TRIM42: variants seen among roughly 807,000 people sequenced by gnomAD.
The protein encoded by TRIM42 is tripartite motif containing 42.
A neutral mutation model predicts 64.9 loss-of-function variants in TRIM42; 59 were observed. That is an observed-to-expected ratio of 0.91 (90% CI 0.74 to 1.13). The LOEUF (loss-of-function observed/expected upper bound fraction) is 1.13. Among genes scored for constraint, TRIM42 ranks in the 50% most tolerant of loss-of-function variants. The pLI is 0.00. For missense variants in TRIM42, 878 were observed against 929.5 expected, an observed-to-expected ratio of 0.94 and a Z score of 0.72; for synonymous variants, 354 against 346.3, an observed-to-expected ratio of 1.02 and a Z score of -0.25.
chr3:140,682,381 C>T, intron 1 of TRIM42, 81 bp from the exon 2 acceptor site: 1 of 1,411,934 alleles, frequency 7.1e-7, no homozygotes, highest in South Asian at 1.3e-5. Context: ...CCTCAGGAAC[C>T]AAGAGTTCTT....
chr3:140,689,453 T>A (rs1988650148), intron 3 of TRIM42, among the ~76,000 whole-genome samples: 1 of 152,154 alleles, frequency 6.6e-6, no homozygotes. Flanking sequence ...GATGTGCACC[T>A]GGGGATCTTG....
chr3:140,687,426 C>T (rs1988572646), intron 2 of TRIM42, among the ~76,000 whole-genome samples: 1 of 152,160 alleles, frequency 6.6e-6, no homozygotes, highest in Admixed American at 6.5e-5. Context: ...TGGTAAAAAC[C>T]AATATCAAGG....
chr3:140,691,184 A>T lies in TRIM42; in HGVS notation c.2077A>T (p.Ile693Phe). 1 of 1,613,836 alleles carries T rather than the reference A, an allele frequency of 6.2e-7. No homozygotes were observed. Among genetic ancestry groups the T allele is most frequent in the Non-Finnish European group, 8.5e-7 (1 of 1,179,696 alleles). The change falls in exon 4 of 5, where the codon ATC (isoleucine) becomes TTC (phenylalanine). Residue 693 changes from isoleucine to phenylalanine, a missense_variant. Ile to Phe is a conservative substitution (Grantham distance 21). Transcript: ENST00000286349. ...NDNGPGQWSD[I>F]CKVVTPDGHG... ...TAATGGTCCTGGGCAATGGAGTGATATCTGCAAGGTATTGTGTGCGTTATT... is the reference window on the plus strand; with the variant it reads ...TAATGGTCCTGGGCAATGGAGTGATTTCTGCAAGGTATTGTGTGCGTTATT...
chr3:140,700,726 T>C (rs779602270), intron 4 of TRIM42, among the ~76,000 whole-genome samples, 162 bp from the exon 5 acceptor site: 4 of 152,210 alleles, frequency 2.6e-5, no homozygotes, highest in Non-Finnish European at 5.9e-5. Flanking sequence ...TCCTGGTCCT[T>C]CTGAGCCTCA....
chr3:140,685,875 T>C (rs1474913655), intron 2 of TRIM42, among the ~76,000 whole-genome samples: 1 of 152,196 alleles, frequency 6.6e-6, no homozygotes, highest in African/African-American at 2.4e-5. Context: ...AATATCTTCA[T>C]TGTAAGAAGA....
At chr3:140,681,995 G>A (rs1267052447) in intron 1 of TRIM42, among the ~76,000 whole-genome samples, 3 of 151,874 alleles carry the variant, frequency 2.0e-5, no homozygotes, top group Admixed American at 6.6e-5. Context: ...AAGTGGTCTT[G>A]TTTCTGCTTT....
At chr3:140,696,915 C>T (rs992927419) in intron 4 of TRIM42, among the ~76,000 whole-genome samples, 2 of 151,976 alleles carry the variant, frequency 1.3e-5, no homozygotes, top group African/African-American at 4.8e-5. Context: ...TGCAATTCGC[C>T]CCATATTAGA....
At position 140,679,223 on chromosome 3, in the gene TRIM42, A is replaced by G. The variant is rs529265534; in HGVS notation, c.341+653A>G. Among the ~76,000 whole-genome samples the G allele has an allele frequency of 2.6e-5, 4 of 152,264 alleles. No homozygotes were observed. The South Asian group carries it at 8.3e-4, about 32-fold the overall frequency. On this transcript the variant is annotated intron_variant, in intron 1 of 4. Transcript: ENST00000286349. Reference sequence around the variant, plus strand: ...GCACTTTTGACCCTGCGGACCATATAAATACCCCATACATCCATGAACTCC... The same window carrying G: ...GCACTTTTGACCCTGCGGACCATATGAATACCCCATACATCCATGAACTCC...
In TRIM42 at chr3:140,700,946, T is replaced by A; in HGVS notation, c.2144T>A (p.Ile715Asn). Residue 715 changes from isoleucine to asparagine, a missense_variant, in exon 5 of 5, where the codon ATC becomes AAC. Ile to Asn is a moderately radical substitution (Grantham distance 149). Coordinates refer to ENST00000286349, the MANE Select transcript of TRIM42 (RefSeq NM_152616.5). ...NRAKWGLLKN[I>N]QSALQKHF ...GCTAAGTGGGGCCTGCTGAAGAATA[T>A]CCAGTCTGCCCTCCAGAAGCACTTC... 6.2e-7 allele frequency: 1 copy of A among 1,614,006 alleles called. No individual in the cohort carries two copies. The highest frequency in any genetic ancestry group is 8.5e-7 in the Non-Finnish European group (1 of 1,179,920).
intron 1 of TRIM42, among the ~76,000 whole-genome samples, chr3:140,680,238 G>A (rs1049167597): frequency 6.6e-6 from 1 of 151,988 alleles, no homozygotes; most frequent in Non-Finnish European, 1.5e-5. Context: ...TTAGGAGGTC[G>A]GCTCTGGGTG....
At chr3:140,685,579 T>C (rs1028953602) in intron 2 of TRIM42, among the ~76,000 whole-genome samples, 17 of 152,178 alleles carry the variant, frequency 1.1e-4, no homozygotes, top group African/African-American at 3.9e-4. Flanking sequence ...ATTCTAAACC[T>C]CACTGAAAAC....
In TRIM42 at chr3:140,692,950, C is replaced by T. The variant is rs7652720; in HGVS notation, c.2085+1758C>T. On this transcript the variant is annotated intron_variant, in intron 4 of 4. Transcript: ENST00000286349. ...TATGTCATCAGTCTACCATCTCAGT[C>T]CCTCTTGGCTTTTCTTAGGTAGAGG... 9.1e-3 allele frequency among the ~76,000 whole-genome samples: 1,389 copies of T among 152,318 alleles called. 23 individuals carry two copies. Among genetic ancestry groups the T allele is most frequent in the African/African-American group, 0.032 (1,329 of 41,574 alleles).
At chr3:140,685,251 G>A (rs116141566) in intron 2 of TRIM42, among the ~76,000 whole-genome samples, 1,715 of 152,288 alleles carry the variant, frequency 0.011, 11 homozygotes, top group Non-Finnish European at 0.019. Context: ...GAAACTGGGG[G>A]ACCTAGGGAG....
rs770426226 is a variant in TRIM42 at position 140,683,174 on chromosome 3, C to T, written c.1039+15C>T. Reference sequence around the variant, plus strand: ...GTTCAAAGCAGGTCCTCCCCTTTTCCACTCCTTCAGCCTAACTTCTAGTTC... The same window carrying T: ...GTTCAAAGCAGGTCCTCCCCTTTTCTACTCCTTCAGCCTAACTTCTAGTTC... On this transcript the variant is annotated intron_variant, in intron 2 of 4. Transcript: ENST00000286349. The T allele has an allele frequency of 1.9e-6, 3 of 1,612,658 alleles. No homozygotes were observed. Among genetic ancestry groups the T allele is most frequent in the Non-Finnish European group, 2.5e-6 (3 of 1,178,726 alleles).
Position 140,689,624 on chromosome 3 carries a change from C to T in TRIM42, c.1860+1082C>T, listed in dbSNP as rs1352793038. Among the ~76,000 whole-genome samples the T allele has an allele frequency of 2.0e-5, 3 of 152,118 alleles. No homozygotes were observed. The East Asian group carries it at 5.8e-4, about 29-fold the overall frequency. On this transcript the variant is annotated intron_variant, in intron 3 of 4. Coordinates refer to ENST00000286349, the MANE Select transcript of TRIM42 (RefSeq NM_152616.5). Reference sequence around the variant, plus strand: ...ACAGACCAAGATTTACTTTTCCATTCTCCTGACGCATCACAATCTATGTTT... The same window carrying T: ...ACAGACCAAGATTTACTTTTCCATTTTCCTGACGCATCACAATCTATGTTT...
intron 3 of TRIM42, among the ~76,000 whole-genome samples, chr3:140,689,472 C>T (rs913417570): frequency 3.5e-4 from 53 of 152,196 alleles, no homozygotes; most frequent in African/African-American, 1.2e-3. Flanking sequence ...TGTTAAAATG[C>T]AGATTCTATT....
Position 140,690,968 on chromosome 3 carries a change from G to A in TRIM42, c.1861G>A (p.Val621Ile). ...ACCAGTATGTTCATTTCTTCCATAG[G>A]TTTACTGGACATGTCCAGCAGAAGA... ...QTLVYPRAAK[V>I]YWTCPAEDVD... The change falls in exon 4 of 5, where the codon GTT (valine) becomes ATT (isoleucine). Residue 621 changes from valine to isoleucine, a missense_variant and splice_region_variant. By Grantham distance (29) the Val-to-Ile change is conservative. Transcript: ENST00000286349. 6.2e-7 allele frequency: 1 copy of A among 1,609,972 alleles called. No individual in the cohort carries two copies. Among genetic ancestry groups the A allele is most frequent in the Middle Eastern group, 1.7e-4 (1 of 6,058 alleles).
intron 4 of TRIM42, among the ~76,000 whole-genome samples, chr3:140,692,862 GCTAAAATATATGTAAT>G (rs1441900855): frequency 4.6e-5 from 7 of 152,152 alleles, no homozygotes; most frequent in Non-Finnish European, 1.0e-4. Flanking sequence ...CAGTACTGTT[GCTAAAATATATGTAAT>G]CTATTATTTT....
Position 140,682,651 on chromosome 3 carries a change from C to G in TRIM42, c.531C>G (p.Ala177=), listed in dbSNP as rs192339152. 1.2e-6 allele frequency: 2 copies of G among 1,613,520 alleles called. No homozygotes were observed. Among genetic ancestry groups the G allele is most frequent in the South Asian group, 2.2e-5 (2 of 91,082 alleles). Residue 177 remains alanine (A), a synonymous_variant, in exon 2 of 5, where the codon GCC becomes GCG. Transcript: ENST00000286349. ...EKCLRQLQKH[A]EVTENFFILI... The stretch of plus-strand genomic sequence containing the variant: ...GCCTGCGGCAGCTGCAGAAGCACGC[C>G]GAGGTCACCGAGAACTTCTTCATCC...
Sources: gnomAD v4.1 joint callset for allele counts (sites outside exome capture counted in the v4.1 genomes callset) on GRCh38, gnomAD v4.1.1 for gene constraint, MANE v1.5 for transcripts, NCBI Gene and HGNC (gene_info 2026-07-23, HGNC 2026-07-21) for gene names.